Variants in PLEKHG1 observed in about 807,000 individuals in gnomAD.
The protein encoded by PLEKHG1 is pleckstrin homology and RhoGEF domain containing G1.
A neutral mutation model predicts 100.8 loss-of-function variants in PLEKHG1; 44 were observed. That is an observed-to-expected ratio of 0.44 (90% CI 0.34 to 0.56). The LOEUF (loss-of-function observed/expected upper bound fraction) is 0.56, where lower values mean the gene tolerates loss of function less well. PLEKHG1 is among the 20% of genes least tolerant of loss of function. PLEKHG1 has a pLI of 0.01. For missense variants in PLEKHG1, 1,545 were observed against 1,720.9 expected (o/e 0.90, Z 1.81); for synonymous variants, 640 against 662.5 (o/e 0.97, Z 0.52).
chr6:150,602,939 G>A (rs1032910158), intron 1 of PLEKHG1, among the ~76,000 whole-genome samples: 3 of 151,686 alleles, frequency 2.0e-5, no homozygotes, highest in African/African-American at 7.3e-5. Flanking sequence ...AAATTAGCCG[G>A]GCGAGGTGGC....
At chr6:150,764,707 A>G (rs1261064455) in intron 2 of PLEKHG1, among the ~76,000 whole-genome samples, 1 of 151,906 alleles carries the variant, frequency 6.6e-6, no homozygotes, top group Non-Finnish European at 1.5e-5. Flanking sequence ...CTGGCCTCCT[A>G]GATGTTGTCT....
chr6:150,612,452 C>T (rs1432281727), intron 1 of PLEKHG1, among the ~76,000 whole-genome samples: 3 of 152,108 alleles, frequency 2.0e-5, no homozygotes, highest in African/African-American at 4.8e-5. Context: ...CCTGCCTCAG[C>T]CTCCCGAATA....
At chr6:150,805,626 C>G (rs118030673) in intron 7 of PLEKHG1, among the ~76,000 whole-genome samples, 4,995 of 152,154 alleles carry the variant, frequency 0.033, 179 homozygotes, top group East Asian at 0.13. Flanking sequence ...CTCCCGGGTT[C>G]AAGCGATCCT....
chr6:150,829,789 A>G (rs1004662728), intron 14 of PLEKHG1, among the ~76,000 whole-genome samples: 39 of 152,324 alleles, frequency 2.6e-4, no homozygotes, highest in African/African-American at 8.9e-4. Context: ...CCTAGAGTCT[A>G]TAAACCAAGG....
chr6:150,760,774 C>T (rs1248722604), intron 2 of PLEKHG1, among the ~76,000 whole-genome samples: 45 of 151,892 alleles, frequency 3.0e-4, no homozygotes, highest in Non-Finnish European at 1.2e-4. Context: ...CTGTCTACCT[C>T]TGTCAGTTTT....
chr6:150,815,266 C>T (rs935041375), intron 10 of PLEKHG1, among the ~76,000 whole-genome samples: 1 of 152,170 alleles, frequency 6.6e-6, no homozygotes, highest in African/African-American at 2.4e-5. Flanking sequence ...TCATTAGTTA[C>T]AGCCTCCCAG....
intron 3 of PLEKHG1, among the ~76,000 whole-genome samples, chr6:150,781,865 G>T (rs1320699586): frequency 6.6e-6 from 1 of 150,756 alleles, no homozygotes; most frequent in African/African-American, 2.4e-5. Flanking sequence ...TCCACCTCCC[G>T]GGTTCACGCC....
chr6:150,783,017 G>C (rs1785403622), intron 3 of PLEKHG1, among the ~76,000 whole-genome samples: 1 of 151,836 alleles, frequency 6.6e-6, no homozygotes, highest in Admixed American at 6.6e-5. Flanking sequence ...TGGCGAGTTT[G>C]GAAATAAGGG....
At chr6:150,780,042 C>T (rs1294888996) in intron 3 of PLEKHG1, among the ~76,000 whole-genome samples, 1 of 151,976 alleles carries the variant, frequency 6.6e-6, no homozygotes. Context: ...TACTGAAAGA[C>T]CAGGACACAA....
At chr6:150,729,330 G>A (rs182275971) in intron 1 of PLEKHG1, among the ~76,000 whole-genome samples, 8 of 152,330 alleles carry the variant, frequency 5.3e-5, no homozygotes, top group Non-Finnish European at 1.0e-4. Flanking sequence ...CCAAAGTGCT[G>A]GAATTACAGG....
exon 2 of PLEKHG1, chr6:150,733,707 C>T (rs774331435): frequency 6.2e-7 from 1 of 1,614,190 alleles, no homozygotes; most frequent in Non-Finnish European, 8.5e-7. Context: ...AGTGACCGAC[C>T]CGTCAGCTTC....
At chr6:150,652,940 A>G (rs1391527656) in intron 3 of PLEKHG1, among the ~76,000 whole-genome samples, 1 of 152,210 alleles carries the variant, frequency 6.6e-6, no homozygotes, top group Non-Finnish European at 1.5e-5. Context: ...ACAAAGACAA[A>G]CAGTATTTTA....
rs374088484 is a variant in PLEKHG1 at position 150,822,060 on chromosome 6, C to T, written c.1447+827C>T. ...TTCTCCATGTTGGTCAGGCTGGTCT[C>T]GAACTCCCAACCTCAGGTGATCCAC... is the stretch of plus-strand genomic sequence containing the variant. On this transcript the variant is annotated intron_variant, in intron 13 of 15. Transcript: ENST00000358517. Among the ~76,000 whole-genome samples the T allele has an allele frequency of 5.0e-4, 73 of 146,814 alleles. 4 individuals carry two copies. The South Asian group carries it at 0.011, about 22-fold the overall frequency.
At chr6:150,816,056 T>C (rs1268554169) in intron 10 of PLEKHG1, among the ~76,000 whole-genome samples, 1 of 152,144 alleles carries the variant, frequency 6.6e-6, no homozygotes, top group African/African-American at 2.4e-5. Flanking sequence ...CACCATAATG[T>C]GGAATCAGTG....
chr6:150,618,449 G>T lies in PLEKHG1; in HGVS notation c.-204+18432G>T, dbSNP rs564028309. 6.6e-5 allele frequency among the ~76,000 whole-genome samples: 10 copies of T among 152,298 alleles called. No individual in the cohort carries two copies. The South Asian group carries it at 1.7e-3, about 25-fold the overall frequency. On this transcript the variant is annotated intron_variant, in intron 1 of 3. Coordinates refer to the PLEKHG1 transcript ENST00000367326. ...TTCGTAATGTTTGCCAATATCCATGGTGTGGAAATATTCCCACTGTGGCTG... is the reference window on the plus strand; with the variant it reads ...TTCGTAATGTTTGCCAATATCCATGTTGTGGAAATATTCCCACTGTGGCTG...
intron 10 of PLEKHG1, among the ~76,000 whole-genome samples, chr6:150,817,588 T>C (rs988275342): frequency 2.1e-4 from 30 of 145,296 alleles, no homozygotes; most frequent in Non-Finnish European, 4.2e-4. Flanking sequence ...GACGGAGTCT[T>C]GCTCTGTCGC....
chr6:150,710,101 G>C (rs1337733450), intron 3 of PLEKHG1, among the ~76,000 whole-genome samples: 1 of 152,122 alleles, frequency 6.6e-6, no homozygotes, highest in African/African-American at 2.4e-5. Flanking sequence ...AATTCGTTAG[G>C]TTTACCATTT....
At chr6:150,661,518 C>G (rs1779194012) in intron 3 of PLEKHG1, among the ~76,000 whole-genome samples, 1 of 152,172 alleles carries the variant, frequency 6.6e-6, no homozygotes, top group Non-Finnish European at 1.5e-5. Context: ...CACACAGAGC[C>G]TATTTAACTC....
intron 3 of PLEKHG1, among the ~76,000 whole-genome samples, chr6:150,780,701 C>T (rs1411187037): frequency 5.9e-5 from 9 of 152,102 alleles, no homozygotes; most frequent in Non-Finnish European, 1.3e-4. Context: ...TATAGTAATT[C>T]TCAATTGCTG....
Sources: gnomAD v4.1 joint callset for allele counts (sites outside exome capture counted in the v4.1 genomes callset) on GRCh38, gnomAD v4.1.1 for gene constraint, MANE v1.5 for transcripts, NCBI Gene and HGNC (gene_info 2026-07-23, HGNC 2026-07-21) for gene names.